Variants in MGAT5 observed in about 807,000 individuals in gnomAD.
MGAT5 encodes alpha-1,6-mannosylglycoprotein 6-beta-N-acetylglucosaminyltransferase.
In MGAT5, 30 loss-of-function variants were observed where a neutral mutation model predicts 94.3. The ratio of observed to expected loss-of-function variants is 0.32; its 90% CI spans 0.24 to 0.43. The LOEUF is 0.43. Ranked by LOEUF, MGAT5 falls within the 20% of genes least tolerant of loss-of-function variation. MGAT5 has a pLI of 1.00. For missense variants in MGAT5, 691 were observed against 905.5 expected (o/e 0.76, Z 3.04); for synonymous variants, 310 against 322.9 (o/e 0.96, Z 0.43).
chr2:134,158,445 G>A (rs960019747), intron 1 of MGAT5, among the ~76,000 whole-genome samples: 6 of 152,352 alleles, frequency 3.9e-5, no homozygotes, highest in Admixed American at 2.0e-4. Context: ...GCCAGGTTGC[G>A]ACAGTGCCTA....
chr2:134,378,898 G>A (rs1681366307), intron 10 of MGAT5, among the ~76,000 whole-genome samples: 1 of 152,204 alleles, frequency 6.6e-6, no homozygotes. Context: ...TCATAGGCAT[G>A]AGCCATCGCG....
intron 12 of MGAT5, among the ~76,000 whole-genome samples, chr2:134,415,402 C>G (rs57475278): frequency 0.023 from 3,471 of 152,192 alleles, 106 homozygotes; most frequent in African/African-American, 0.071. Context: ...TGTTTGTTTG[C>G]CTTGTGTATG....
At chr2:134,363,075 A>G (rs1680205185) in intron 10 of MGAT5, among the ~76,000 whole-genome samples, 1 of 152,248 alleles carries the variant, frequency 6.6e-6, no homozygotes, top group African/African-American at 2.4e-5. Context: ...GTTGACAGGT[A>G]ATGCAGATCT....
At chr2:134,349,684 C>T in intron 8 of MGAT5, 121 bp from the exon 9 acceptor site, 1 of 1,101,034 alleles carries the variant, frequency 9.1e-7, no homozygotes, top group East Asian at 2.4e-5. Context: ...CTTGTCTGGT[C>T]CTGCTTCTAT....
intron 2 of MGAT5, among the ~76,000 whole-genome samples, chr2:134,295,452 A>G (rs1685617435): frequency 6.6e-6 from 1 of 152,210 alleles, no homozygotes; most frequent in Non-Finnish European, 1.5e-5. Context: ...AATAAGTTAT[A>G]ATTGGAAAAA....
chr2:134,412,963 C>A lies in MGAT5; in HGVS notation c.1625C>A (p.Pro542His). ...CAFLNPKFNP[P>H]KSSKNTDFFI... ...TTTCTGAATCCCAAGTTCAACCCAC[C>A]CAAAAGCAGCAAAAACACAGACTTT... Residue 542 changes from proline to histidine, a missense_variant, in exon 12 of 16, where the codon CCC becomes CAC. Physicochemically the swap from Pro to His is moderately conservative, Grantham distance 77. This residue lies in a region of MGAT5 where 260 missense variants were observed against 347.0 expected (regional missense o/e 0.75). Transcript: ENST00000281923. The A allele has an allele frequency of 6.2e-7, 1 of 1,614,078 alleles. No homozygotes were observed. Among genetic ancestry groups the A allele is most frequent in the African/African-American group, 1.3e-5 (1 of 75,000 alleles).
chr2:134,290,473 A>T (rs996598620), intron 2 of MGAT5, among the ~76,000 whole-genome samples: 1 of 152,210 alleles, frequency 6.6e-6, no homozygotes, highest in Non-Finnish European at 1.5e-5. Flanking sequence ...TCTTTTCCAC[A>T]TGCAAACTTG....
At chr2:134,202,027 AT>A (rs1309275210) in intron 1 of MGAT5, among the ~76,000 whole-genome samples, 1 of 151,942 alleles carries the variant, frequency 6.6e-6, no homozygotes, top group Non-Finnish European at 1.5e-5. Context: ...TCATTATATT[AT>A]TATTGAATAC....
intron 1 of MGAT5, among the ~76,000 whole-genome samples, chr2:134,228,138 T>C (rs1681161706): frequency 6.6e-6 from 1 of 152,112 alleles, no homozygotes. Flanking sequence ...GGTCACAGCA[T>C]TTGTGTGAGA....
intron 1 of MGAT5, among the ~76,000 whole-genome samples, chr2:134,195,279 C>G (rs1679441693): frequency 1.3e-5 from 2 of 152,184 alleles, no homozygotes; most frequent in African/African-American, 4.8e-5. Flanking sequence ...TAGTCATAAA[C>G]AAATTTAATA....
At chr2:134,341,819 A>G in intron 7 of MGAT5, 60 bp downstream of exon 7, 1 of 1,439,098 alleles carries the variant, frequency 6.9e-7, no homozygotes, top group East Asian at 2.3e-5. Context: ...GTAAACTCTT[A>G]AAGTATTACC....
intron 1 of MGAT5, among the ~76,000 whole-genome samples, chr2:134,176,664 A>G (rs1688482576): frequency 6.6e-6 from 1 of 152,158 alleles, no homozygotes; most frequent in Admixed American, 6.5e-5. Flanking sequence ...CTATAATACA[A>G]GCCCCTAATT....
intron 11 of MGAT5, among the ~76,000 whole-genome samples, chr2:134,407,348 G>C (rs1683401449): frequency 6.6e-6 from 1 of 152,156 alleles, no homozygotes. Context: ...TCATTCCCAT[G>C]CCATCTAGAT....
At chr2:134,332,735 T>C (rs200965822) in intron 4 of MGAT5, among the ~76,000 whole-genome samples, 126 of 134,556 alleles carry the variant, frequency 9.4e-4, no homozygotes, top group African/African-American at 1.1e-3. Context: ...CTCAAACAAA[T>C]TTACAAGAAA....
chr2:134,214,024 C>T lies in MGAT5; in HGVS notation c.-142-40238C>T, dbSNP rs74895431. On this transcript the variant is annotated intron_variant, in intron 1 of 16. Coordinates refer to the MGAT5 transcript ENST00000409645. ...ACAGTGGTCTTTGTGGTAGCCAGTC[C>T]CATCCCGAAGCTATTTAGGGACCTC... 8.5e-3 allele frequency among the ~76,000 whole-genome samples: 1,290 copies of T among 152,228 alleles called. 74 individuals are homozygous for T. The East Asian group carries it at 0.15, about 18-fold the overall frequency.
At position 134,349,788 on chromosome 2, in the gene MGAT5, T is replaced by C. The variant is rs1679255127; in HGVS notation, c.1113-17T>C. On this transcript the variant is annotated splice_polypyrimidine_tract_variant and intron_variant, in intron 8 of 15. Coordinates refer to ENST00000281923, the MANE Select transcript of MGAT5 (RefSeq NM_002410.5). ...GGGCAAGTATGTAGTGTTCAACACATTGCTTTTTTCTTTCAGGTGCATGCT... is the reference window on the plus strand; with the variant it reads ...GGGCAAGTATGTAGTGTTCAACACACTGCTTTTTTCTTTCAGGTGCATGCT... 1.2e-6 allele frequency: 2 copies of C among 1,612,708 alleles called. No homozygotes were observed. The highest frequency in any genetic ancestry group is 1.3e-5 in the African/African-American group (1 of 75,002).
At chr2:134,150,215 C>T (rs1241150983) in intron 1 of MGAT5, among the ~76,000 whole-genome samples, 1 of 152,166 alleles carries the variant, frequency 6.6e-6, no homozygotes, top group Non-Finnish European at 1.5e-5. Flanking sequence ...TTTCCCTGGC[C>T]TCCTAGCGTC....
chr2:134,216,750 A>C lies in MGAT5; in HGVS notation c.-142-37512A>C, dbSNP rs143889807. Among the ~76,000 whole-genome samples, 328 of 152,248 alleles carry C rather than the reference A, an allele frequency of 2.2e-3. 1 individual carries two copies. The highest frequency in any genetic ancestry group is 7.5e-3 in the African/African-American group (312 of 41,522). ...CTGCTACTTTTGCCATTTCTGCTCT[A>C]CCTCTAGGGGTGATTATTGTGGTTT... On this transcript the variant is annotated intron_variant, in intron 1 of 16. Transcript: ENST00000409645.
upstream of MGAT5, among the ~76,000 whole-genome samples, chr2:134,252,266 G>A (rs759743562): frequency 5.9e-5 from 9 of 152,178 alleles, no homozygotes; most frequent in Admixed American, 1.3e-4. Flanking sequence ...AGGAGCAGCC[G>A]AGTGAAGAAG....
Sources: gnomAD v4.1 joint callset for allele counts (sites outside exome capture counted in the v4.1 genomes callset) on GRCh38, gnomAD v4.1.1 for gene constraint, gnomAD v4.1.1 regional missense constraint, MANE v1.5 for transcripts, NCBI Gene and HGNC (gene_info 2026-07-23, HGNC 2026-07-21) for gene names.